Variants in SLC23A2 observed in about 807,000 individuals in gnomAD.
SLC23A2 encodes Na(+)/L-ascorbic acid transporter 2.
A neutral mutation model predicts 73.3 loss-of-function variants in SLC23A2; 36 were observed. The observed-to-expected ratio is 0.49, with a 90% CI of 0.38 to 0.65. The LOEUF (loss-of-function observed/expected upper bound fraction) is 0.65. Ranked by LOEUF, SLC23A2 falls within the 30% of genes least tolerant of loss-of-function variation. The probability of loss-of-function intolerance (pLI) is 0.00; values close to 1 mark genes in which losing one functional copy is unlikely to be tolerated. For synonymous variants in SLC23A2, 343 were observed against 327.3 expected, an observed-to-expected ratio of 1.05 and a Z score of -0.52; for missense variants, 507 against 841.6, an observed-to-expected ratio of 0.60 and a Z score of 4.92.
At chr20:4,926,482 G>T (rs1932672829) in intron 3 of SLC23A2, among the ~76,000 whole-genome samples, 1 of 148,798 alleles carries the variant, frequency 6.7e-6, no homozygotes, top group Admixed American at 6.7e-5. Context: ...TGTCCCTAGG[G>T]TACGATCGTT....
chr20:4,857,722 G>C lies in SLC23A2; in HGVS notation c.1721-518C>G, dbSNP rs574490139. On this transcript the variant is annotated intron_variant, in intron 16 of 16. Transcript: ENST00000338244. The surrounding 1 kb of genome is among the most constrained non-coding windows in gnomAD (Gnocchi z 4.0). Reference sequence around the variant, plus strand: ...GAGGTGAGAGGATCACATGAAGTCAGGAGTTCGAGACCAGCCTAGCCAACA... The same window carrying C: ...GAGGTGAGAGGATCACATGAAGTCACGAGTTCGAGACCAGCCTAGCCAACA... Among the ~76,000 whole-genome samples, 7 of 152,248 alleles carry C rather than the reference G, an allele frequency of 4.6e-5. No homozygotes were observed. Among genetic ancestry groups the C allele is most frequent in the African/African-American group, 7.2e-5 (3 of 41,538 alleles).
chr20:4,955,651 T>C (rs2087275555), intron 2 of SLC23A2, among the ~76,000 whole-genome samples: 1 of 151,762 alleles, frequency 6.6e-6, no homozygotes. Context: ...ATTAGCCGGG[T>C]ATGGGGGCAG....
chr20:4,996,089 A>G (rs982233922), intron 1 of SLC23A2, among the ~76,000 whole-genome samples: 2 of 152,174 alleles, frequency 1.3e-5, no homozygotes, highest in Non-Finnish European at 2.9e-5. Context: ...TGCTAGGACT[A>G]GCAATAATAA....
At chr20:4,867,697 CA>C in intron 13 of SLC23A2, 72 bp downstream of exon 13, 1 of 707,748 alleles carries the variant, frequency 1.4e-6, no homozygotes, top group Non-Finnish European at 2.3e-6. Context: ...TTGGAACTTG[CA>C]GTGGCCAGAT....
chr20:4,956,109 AT>A (rs1380754179), intron 2 of SLC23A2, among the ~76,000 whole-genome samples: 4 of 152,228 alleles, frequency 2.6e-5, no homozygotes, highest in Non-Finnish European at 5.9e-5. Flanking sequence ...TTCAGAAATA[AT>A]TTTGCATTTG....
chr20:4,899,152 G>C lies in SLC23A2; in HGVS notation c.482+403C>G, dbSNP rs1447335838. Among the ~76,000 whole-genome samples, 2 of 152,220 alleles carry C rather than the reference G, an allele frequency of 1.3e-5. No individual in the cohort carries two copies. The highest frequency in any genetic ancestry group is 4.8e-5 in the African/African-American group (2 of 41,458). On this transcript the variant is annotated intron_variant, in intron 6 of 16. Transcript: ENST00000338244. This position sits in a 1 kb window ranked among gnomAD's most constrained non-coding sequence, Gnocchi z 4.9. ...CCTGAGGAGGGTGTGGAAGTAGAAA[G>C]ATGGCACTGGGTGTGGGGCACAAAG...
intron 2 of SLC23A2, among the ~76,000 whole-genome samples, chr20:4,955,538 T>C (rs1448304434): frequency 6.6e-6 from 1 of 152,002 alleles, no homozygotes; most frequent in African/African-American, 2.4e-5. Context: ...CCTGTAATCC[T>C]AGCACTTTGG....
In SLC23A2 at chr20:4,874,663, G is replaced by A. The variant is rs41282100; in HGVS notation, c.858C>T (p.Tyr286=). 9.9e-3 allele frequency: 16,004 copies of A among 1,611,212 alleles called. 102 individuals carry two copies. Among genetic ancestry groups the A allele is most frequent in the Admixed American group, 0.011 (677 of 59,776 alleles). ...TIFLVLLFSQ[Y]ARNVKFPLPI... is the part of the protein sequence containing the mutation. ...GGAGAGGAAATTTAACATTTCTGGCGTATTGAGAAAACAGTAATACTAGGA... is the reference window on the plus strand; with the variant it reads ...GGAGAGGAAATTTAACATTTCTGGCATATTGAGAAAACAGTAATACTAGGA... The change falls in exon 10 of 17, where the codon TAC becomes TAT. Residue 286 remains tyrosine, a synonymous_variant. Coordinates refer to ENST00000338244, the MANE Select transcript of SLC23A2 (RefSeq NM_005116.6).
chr20:4,932,391 T>C (rs1932799467), intron 3 of SLC23A2, 64 bp downstream of exon 3: 1 of 943,866 alleles, frequency 1.1e-6, no homozygotes, highest in Non-Finnish European at 1.8e-6. Flanking sequence ...GCCAATCCTA[T>C]GTTGATTCCA....
intron 2 of SLC23A2, among the ~76,000 whole-genome samples, chr20:4,959,055 CAA>C (rs56709040): frequency 2.4e-5 from 3 of 127,522 alleles, no homozygotes; most frequent in Admixed American, 7.9e-5. Context: ...ACTAAAAATA[CAA>C]AAAAAAAAAA....
chr20:4,945,452 A>G (rs1331507695), intron 2 of SLC23A2, among the ~76,000 whole-genome samples: 1 of 151,974 alleles, frequency 6.6e-6, no homozygotes, highest in Non-Finnish European at 1.5e-5. Context: ...TGCCCAGCAA[A>G]TGTTTGTATT....
Position 4,862,254 on chromosome 20 carries a change from G to A in SLC23A2, c.1487-169C>T, listed in dbSNP as rs140097100. Among the ~76,000 whole-genome samples the A allele has an allele frequency of 5.6e-4, 86 of 152,310 alleles. No individual in the cohort carries two copies. In the East Asian group the frequency reaches 0.013, roughly 24 times the overall value. ...TGGGGTCAGACTGTAGCCACCCTGC[G>A]CTCTGAGCCAAATGACCCTCGGCGT... On this transcript the variant is annotated intron_variant, in intron 14 of 16. Transcript: ENST00000338244. This position sits in a 1 kb window ranked among gnomAD's most constrained non-coding sequence, Gnocchi z 5.1.
intron 6 of SLC23A2, among the ~76,000 whole-genome samples, chr20:4,888,118 T>C (rs531378327): frequency 4.6e-5 from 7 of 152,338 alleles, no homozygotes; most frequent in South Asian, 4.1e-4. Flanking sequence ...CCTGCTCTTT[T>C]ATTTTGTACT....
intron 2 of SLC23A2, among the ~76,000 whole-genome samples, chr20:4,961,579 T>C (rs187219278): frequency 4.6e-5 from 7 of 152,248 alleles, no homozygotes; most frequent in Admixed American, 4.6e-4. Flanking sequence ...TCATTAGTGA[T>C]AGAGTATTTT....
chr20:5,008,407 C>CG (rs1568667540), intron 1 of SLC23A2, among the ~76,000 whole-genome samples: 2 of 152,150 alleles, frequency 1.3e-5, no homozygotes, highest in African/African-American at 4.8e-5. Context: ...CTGGTGGGCA[C>CG]GGATCTATGC....
chr20:4,994,747 C>A (rs1301174319), intron 1 of SLC23A2, among the ~76,000 whole-genome samples: 1 of 150,704 alleles, frequency 6.6e-6, no homozygotes, highest in Non-Finnish European at 1.5e-5. Flanking sequence ...GGCGACAGAG[C>A]AAGATTCCGT....
intron 3 of SLC23A2, among the ~76,000 whole-genome samples, chr20:4,929,136 C>T (rs1414690706): frequency 1.3e-5 from 2 of 151,914 alleles, no homozygotes; most frequent in African/African-American, 2.4e-5. Flanking sequence ...CCCAGTAGCA[C>T]GTACCTGCAG....
At chr20:4,946,499 A>G (rs1037527433) in intron 2 of SLC23A2, among the ~76,000 whole-genome samples, 3 of 152,204 alleles carry the variant, frequency 2.0e-5, no homozygotes, top group Admixed American at 6.5e-5. Context: ...CCTAACTGAC[A>G]GCAAATAGTT....
At chr20:4,941,155 CA>C (rs113408496) in intron 2 of SLC23A2, among the ~76,000 whole-genome samples, 3,706 of 130,126 alleles carry the variant, frequency 0.028, 122 homozygotes, top group African/African-American at 0.089. Context: ...GACTCTGTCT[CA>C]AAAAAAAAAA....
Sources: allele counts gnomAD v4.1 joint callset (sites outside exome capture counted in the v4.1 genomes callset), GRCh38; gene constraint gnomAD v4.1.1; non-coding constraint Gnocchi (gnomAD v3.1); transcripts MANE v1.5; gene names NCBI Gene and HGNC (gene_info 2026-07-23, HGNC 2026-07-21).